PTPRG: variants seen among roughly 807,000 people sequenced by gnomAD.
PTPRG encodes receptor-type tyrosine-protein phosphatase gamma.
PTPRG carries 102 observed loss-of-function variants against 165.3 expected under a neutral mutation model. The observed-to-expected ratio is 0.62, with a 90% CI of 0.53 to 0.73. The LOEUF (loss-of-function observed/expected upper bound fraction) is 0.73, where lower values mean the gene tolerates loss of function less well. Among genes scored for constraint, PTPRG ranks in the 30% least tolerant of loss-of-function variants. The pLI is 0.00. For missense variants in PTPRG, 1,866 were observed against 1,861.4 expected (o/e 1.00, Z -0.05); for synonymous variants, 675 against 669.5 (o/e 1.01, Z -0.13).
intron 10 of PTPRG, among the ~76,000 whole-genome samples, chr3:62,199,699 C>T (rs979005852): frequency 1.3e-5 from 2 of 152,134 alleles, no homozygotes; most frequent in African/African-American, 4.8e-5. Context: ...ACAGCATTTT[C>T]GCTAATCTCT....
chr3:61,621,033 G>GTATATATATATATATATA (rs368012442), intron 1 of PTPRG, among the ~76,000 whole-genome samples: 42 of 130,022 alleles, frequency 3.2e-4, no homozygotes, highest in South Asian at 7.9e-4. Flanking sequence ...GTGTGTGTGT[G>GTATATATATATATATATA]TATATATATA....
At chr3:62,175,223 T>G (rs750396331) in intron 8 of PTPRG, among the ~76,000 whole-genome samples, 2 of 152,250 alleles carry the variant, frequency 1.3e-5, no homozygotes, top group East Asian at 3.8e-4. Flanking sequence ...TATCAATTGT[T>G]GTAGCTAGTA....
intron 2 of PTPRG, among the ~76,000 whole-genome samples, chr3:61,795,960 T>TA (rs2035032996): frequency 6.6e-6 from 1 of 152,152 alleles, no homozygotes; most frequent in Non-Finnish European, 1.5e-5. Context: ...AGATACCTCT[T>TA]TAACTTTATT....
chr3:62,167,544 C>T (rs1249665974), intron 7 of PTPRG, among the ~76,000 whole-genome samples: 1 of 152,158 alleles, frequency 6.6e-6, no homozygotes, highest in Non-Finnish European at 1.5e-5. Context: ...GCAGCTTGTT[C>T]AGGTCACAGA....
intron 1 of PTPRG, among the ~76,000 whole-genome samples, chr3:61,725,785 C>T (rs2032233239): frequency 6.6e-6 from 1 of 150,436 alleles, no homozygotes. Flanking sequence ...GAGAAATCTT[C>T]CCTTTCATGT....
At chr3:61,811,335 T>C (rs1419815596) in intron 2 of PTPRG, among the ~76,000 whole-genome samples, 1 of 152,230 alleles carries the variant, frequency 6.6e-6, no homozygotes, top group Non-Finnish European at 1.5e-5. Context: ...AGTCACCCAG[T>C]GTACCCAAAC....
chr3:61,917,386 A>G (rs2038966856), intron 2 of PTPRG, among the ~76,000 whole-genome samples: 2 of 152,154 alleles, frequency 1.3e-5, no homozygotes, highest in South Asian at 4.1e-4. Context: ...TAAGCGGTGA[A>G]CATGCCACGT....
At chr3:61,865,865 T>G (rs1410075172) in intron 2 of PTPRG, among the ~76,000 whole-genome samples, 1 of 152,224 alleles carries the variant, frequency 6.6e-6, no homozygotes, top group Admixed American at 6.5e-5. Context: ...TGTACTCTTC[T>G]AGAAAATGCT....
chr3:61,775,665 G>A (rs2034354380), intron 2 of PTPRG, among the ~76,000 whole-genome samples: 1 of 152,010 alleles, frequency 6.6e-6, no homozygotes. Flanking sequence ...AAGAAATCAA[G>A]GTTCTGCAAC....
At chr3:61,932,425 G>T (rs1422877374) in intron 2 of PTPRG, among the ~76,000 whole-genome samples, 1 of 152,166 alleles carries the variant, frequency 6.6e-6, no homozygotes, top group Non-Finnish European at 1.5e-5. Flanking sequence ...ACATGTAGGA[G>T]ACTATGAATA....
intron 1 of PTPRG, among the ~76,000 whole-genome samples, chr3:61,612,007 A>G (rs540257423): frequency 1.3e-5 from 2 of 152,292 alleles, no homozygotes; most frequent in Non-Finnish European, 2.9e-5. Flanking sequence ...CAGTGGCACT[A>G]TCTCGGCTCA....
chr3:61,904,202 C>A (rs1463243249), intron 2 of PTPRG, among the ~76,000 whole-genome samples: 2 of 152,156 alleles, frequency 1.3e-5, no homozygotes, highest in African/African-American at 4.8e-5. Flanking sequence ...CTTTCATCCG[C>A]CTCAGACTTG....
intron 1 of PTPRG, among the ~76,000 whole-genome samples, chr3:61,735,967 G>C (rs1055293779): frequency 4.0e-5 from 6 of 151,542 alleles, no homozygotes; most frequent in Admixed American, 2.0e-4. Context: ...GAGCGCAGTG[G>C]CGTGATCTCA....
At chr3:61,693,247 T>C (rs892095877) in intron 1 of PTPRG, among the ~76,000 whole-genome samples, 3 of 152,202 alleles carry the variant, frequency 2.0e-5, no homozygotes, top group African/African-American at 7.2e-5. Flanking sequence ...GTCCAAAACT[T>C]GTTAGAATAA....
intron 1 of PTPRG, among the ~76,000 whole-genome samples, chr3:61,706,925 G>A (rs2031293586): frequency 1.3e-5 from 2 of 152,132 alleles, no homozygotes; most frequent in South Asian, 4.1e-4. Context: ...TAACTGCTGT[G>A]AATTTTATAC....
chr3:62,163,978 G>A (rs1440192824), intron 7 of PTPRG, among the ~76,000 whole-genome samples: 2 of 152,234 alleles, frequency 1.3e-5, no homozygotes, highest in East Asian at 3.9e-4. Context: ...CACCATTAAG[G>A]ATGGGAGGCT....
chr3:61,885,586 A>T (rs1395335808), intron 2 of PTPRG, among the ~76,000 whole-genome samples: 1 of 148,336 alleles, frequency 6.7e-6, no homozygotes, highest in Non-Finnish European at 1.5e-5. Context: ...TATCAATGGT[A>T]ATGCTATATT....
chr3:62,262,679 G>A (rs925606682), intron 16 of PTPRG, 119 bp from the exon 17 acceptor site: 14 of 513,834 alleles, frequency 2.7e-5, no homozygotes, highest in Non-Finnish European at 4.1e-5. Context: ...CCGAAGTTGG[G>A]ATTGAGAAGG....
At chr3:62,152,976 G>GGAA (rs1704391526) in intron 6 of PTPRG, among the ~76,000 whole-genome samples, 1 of 152,146 alleles carries the variant, frequency 6.6e-6, no homozygotes, top group Non-Finnish European at 1.5e-5. Context: ...TAAGTGAAAT[G>GGAA]TTATTCCCCC....
Sources: gnomAD v4.1 joint callset for allele counts (sites outside exome capture counted in the v4.1 genomes callset) on GRCh38, gnomAD v4.1.1 for gene constraint, MANE v1.5 for transcripts, NCBI Gene and HGNC (gene_info 2026-07-23, HGNC 2026-07-21) for gene names.